The following EPHB1 variants were observed in gnomAD, a reference collection of about 807,000 sequenced individuals.
The protein encoded by EPHB1 is EPH receptor B1.
In EPHB1, 30 loss-of-function variants were observed where a neutral mutation model predicts 94.4. That is an observed-to-expected ratio of 0.32 (90% confidence interval 0.24 to 0.43). EPHB1 has a LOEUF of 0.43. Among genes scored for constraint, EPHB1 ranks in the 20% least tolerant of loss-of-function variants. EPHB1 has a pLI of 1.00. For synonymous variants in EPHB1, 522 were observed against 489.1 expected (o/e 1.07, Z -0.89); for missense variants, 1,055 against 1,308.3 (o/e 0.81, Z 2.99).
At chr3:135,222,884 G>T (rs1272945263) in intron 12 of EPHB1, among the ~76,000 whole-genome samples, 2 of 152,270 alleles carry the variant, frequency 1.3e-5, no homozygotes, top group East Asian at 1.9e-4. Context: ...TATGAAGATT[G>T]CTGTGTTTTT....
intron 10 of EPHB1, among the ~76,000 whole-genome samples, chr3:135,181,627 G>A (rs1202417234): frequency 1.3e-5 from 2 of 152,260 alleles, no homozygotes; most frequent in East Asian, 3.9e-4. Context: ...TGTGCTTAGA[G>A]CGATGTGTTC....
At chr3:135,002,629 C>T in intron 3 of EPHB1, among the ~76,000 whole-genome samples, 1 of 151,968 alleles carries the variant, frequency 6.6e-6, no homozygotes, top group East Asian at 1.9e-4. Flanking sequence ...ATTGCCACAA[C>T]TTCAGATCCT....
intron 2 of EPHB1, among the ~76,000 whole-genome samples, chr3:134,936,574 C>A (rs1247164543): frequency 6.6e-6 from 1 of 152,122 alleles, no homozygotes; most frequent in Non-Finnish European, 1.5e-5. Flanking sequence ...TGAACGCGCC[C>A]CCCCCTCCAT....
At chr3:135,115,560 G>T (rs774375017) in intron 4 of EPHB1, among the ~76,000 whole-genome samples, 2 of 152,032 alleles carry the variant, frequency 1.3e-5, no homozygotes, top group Non-Finnish European at 2.9e-5. Flanking sequence ...GCTCTTTGAC[G>T]TGCTGATTTG....
At chr3:135,202,223 C>A (rs1042067852) in intron 12 of EPHB1, among the ~76,000 whole-genome samples, 3 of 152,210 alleles carry the variant, frequency 2.0e-5, no homozygotes, top group African/African-American at 7.2e-5. Context: ...CTCTAATTAT[C>A]TATATCCAAC....
At chr3:135,155,048 A>G (rs1169229296) in intron 6 of EPHB1, among the ~76,000 whole-genome samples, 1 of 152,238 alleles carries the variant, frequency 6.6e-6, no homozygotes, top group African/African-American at 2.4e-5. Context: ...GACAGGCACT[A>G]TTCTAGGATA....
chr3:134,863,985 G>T (rs2037319317), intron 1 of EPHB1, among the ~76,000 whole-genome samples: 1 of 152,190 alleles, frequency 6.6e-6, no homozygotes, highest in South Asian at 2.1e-4. Flanking sequence ...ACAGAGGGGT[G>T]GGAAATCTAC....
intron 3 of EPHB1, among the ~76,000 whole-genome samples, chr3:135,058,353 C>T (rs764505138): frequency 3.3e-5 from 5 of 152,188 alleles, no homozygotes; most frequent in Non-Finnish European, 5.9e-5. Flanking sequence ...GCTCTGCCCA[C>T]CTCTCCTCTC....
chr3:134,882,791 TTTC>T (rs1405464540), intron 1 of EPHB1, among the ~76,000 whole-genome samples: 22 of 71,562 alleles, frequency 3.1e-4, no homozygotes, highest in South Asian at 2.1e-3. Context: ...TCTTTCTTTC[TTTC>T]TTTCTTTCTT....
intron 3 of EPHB1, among the ~76,000 whole-genome samples, chr3:135,061,368 A>ACCCCCCC (rs34282243): frequency 1.3e-4 from 15 of 111,366 alleles, no homozygotes; most frequent in Non-Finnish European, 2.1e-4. Context: ...AGGAATGACC[A>ACCCCCCC]CCCCCCCCGA....
chr3:135,161,623 G>A (rs949028465), intron 6 of EPHB1, among the ~76,000 whole-genome samples: 23 of 152,206 alleles, frequency 1.5e-4, no homozygotes, highest in Non-Finnish European at 2.9e-4. Flanking sequence ...CAGGCAGGGG[G>A]CAGATGGATG....
chr3:135,199,296 T>G (rs755967307), intron 11 of EPHB1, among the ~76,000 whole-genome samples: 1 of 152,172 alleles, frequency 6.6e-6, no homozygotes, highest in African/African-American at 2.4e-5. Context: ...ATGACAACTT[T>G]CTGAAGAAGC....
chr3:135,010,122 A>G (rs1051633135), intron 3 of EPHB1, among the ~76,000 whole-genome samples: 1 of 152,246 alleles, frequency 6.6e-6, no homozygotes, highest in East Asian at 1.9e-4. Flanking sequence ...AATTTAATAG[A>G]TTAAAAAATT....
chr3:134,819,590 CCTCCCTTCTCTGTGCCTCTTCT>C (rs1037649218), intron 1 of EPHB1, among the ~76,000 whole-genome samples: 6 of 152,194 alleles, frequency 3.9e-5, no homozygotes, highest in Admixed American at 6.5e-5. Flanking sequence ...ATAAATGTTT[CCTCCCTTCTCTGTGCCTCTTCT>C]CTCCCTTCTC....
chr3:134,911,466 G>T (rs72971603), intron 1 of EPHB1, among the ~76,000 whole-genome samples: 6,059 of 152,226 alleles, frequency 0.04, 170 homozygotes, highest in African/African-American at 0.069. Flanking sequence ...GGATTTGGTG[G>T]GGTGGAGTCA....
intron 3 of EPHB1, among the ~76,000 whole-genome samples, chr3:135,053,027 G>GTGTGTGTGTATATA (rs1256844091): frequency 9.1e-6 from 1 of 110,474 alleles, no homozygotes; most frequent in African/African-American, 4.2e-5. Flanking sequence ...GTGTGTGTGT[G>GTGTGTGTGTATATA]TATATATATA....
At chr3:135,034,029 T>C (rs1936569215) in intron 3 of EPHB1, among the ~76,000 whole-genome samples, 2 of 152,304 alleles carry the variant, frequency 1.3e-5, no homozygotes, top group African/African-American at 2.4e-5. Context: ...TTATTCAGAA[T>C]TTCATTTCTC....
rs2037833405 is a variant in EPHB1, at chr3:134,884,959, TAATG to T, written c.59-40855_59-40852del. Among the ~76,000 whole-genome samples the T allele has an allele frequency of 2.0e-5, 3 of 152,242 alleles. No individual in the cohort carries two copies. In the South Asian group the frequency reaches 6.2e-4, roughly 31 times the overall value. On this transcript the variant is annotated intron_variant, in intron 1 of 15. Coordinates refer to ENST00000398015, the MANE Select transcript of EPHB1 (RefSeq NM_004441.5). ...CCTGAGCGGAAACATGGAGTGGATG[TAATG>T]ACTCCTTTACTGCAGGTCTTAAAGG...
chr3:135,128,461 A>G (rs1407482641), intron 4 of EPHB1, among the ~76,000 whole-genome samples: 2 of 152,168 alleles, frequency 1.3e-5, no homozygotes, highest in East Asian at 3.9e-4. Context: ...CTGCAGGAAT[A>G]TGCCCATCTC....
Sources: allele counts gnomAD v4.1 joint callset (sites outside exome capture counted in the v4.1 genomes callset), GRCh38; gene constraint gnomAD v4.1.1; transcripts MANE v1.5; gene names NCBI Gene and HGNC (gene_info 2026-07-23, HGNC 2026-07-21).